PRPSAP2: variants seen among roughly 807,000 people sequenced by gnomAD.
PRPSAP2 encodes phosphoribosyl pyrophosphate synthase-associated protein 2.
PRPSAP2 carries 24 observed loss-of-function variants against 40.6 expected under a neutral mutation model. That is an observed-to-expected ratio of 0.59 (90% CI 0.43 to 0.83). The LOEUF (loss-of-function observed/expected upper bound fraction) is 0.83. Among genes scored for constraint, PRPSAP2 ranks in the 40% least tolerant of loss-of-function variants. The pLI, the probability that PRPSAP2 is intolerant of heterozygous loss-of-function variation, is 0.00. For missense variants in PRPSAP2, 292 were observed against 465.6 expected (o/e 0.63, Z 3.43); for synonymous variants, 149 against 164.7 (o/e 0.90, Z 0.73).
At position 18,924,143 on chromosome 17, in the gene PRPSAP2, G is replaced by T. The variant is rs2041843642; in HGVS notation, c.804+159G>T. On this transcript the variant is annotated intron_variant, in intron 10 of 11. Transcript: ENST00000268835. ...CAACTTCTGCCTCCCAGGTTCAAAC[G>T]ATTCTCCTGCCTCAGCCTCCCAAGT... 4 of 584,092 alleles carry T rather than the reference G, an allele frequency of 6.8e-6. No individual in the cohort carries two copies. In the East Asian group the frequency reaches 9.4e-5, roughly 14 times the overall value. The allele number at this position is 584,092 out of a possible 1,614,324, so 36.2% of individuals were successfully genotyped here.
At chr17:18,882,321 G>A (rs2038816517) in intron 6 of PRPSAP2, among the ~76,000 whole-genome samples, 1 of 151,646 alleles carries the variant, frequency 6.6e-6, no homozygotes. Flanking sequence ...AGACCAACCT[G>A]GCCAATATGA....
At chr17:18,909,896 AAAAG>A (rs532595525) in intron 8 of PRPSAP2, among the ~76,000 whole-genome samples, 8 of 152,176 alleles carry the variant, frequency 5.3e-5, no homozygotes, top group South Asian at 4.1e-4. Flanking sequence ...TCTCAAAAGA[AAAAG>A]AAAGAAAGAA....
intron 8 of PRPSAP2, among the ~76,000 whole-genome samples, chr17:18,900,210 C>T (rs202123378): frequency 2.4e-3 from 369 of 151,788 alleles, no homozygotes; most frequent in Middle Eastern, 0.014. Flanking sequence ...TTAGTAGAGA[C>T]GGGGTTTTGC....
chr17:18,915,843 G>A (rs2041277383), intron 9 of PRPSAP2, among the ~76,000 whole-genome samples: 1 of 149,900 alleles, frequency 6.7e-6, no homozygotes, highest in Non-Finnish European at 1.5e-5. Context: ...TTTTTGAGAC[G>A]GAGTCTTGCT....
chr17:18,871,682 C>T (rs1029173431), intron 4 of PRPSAP2, among the ~76,000 whole-genome samples: 13 of 128,916 alleles, frequency 1.0e-4, no homozygotes, highest in African/African-American at 1.2e-4. Context: ...TTTTTTGAGA[C>T]GGAGTTTCGC....
chr17:18,922,668 A>AATTT (rs2041751894), intron 9 of PRPSAP2, among the ~76,000 whole-genome samples: 2 of 89,840 alleles, frequency 2.2e-5, no homozygotes, highest in Admixed American at 1.4e-4. Flanking sequence ...TATATATATA[A>AATTT]TTTTTTTTTT....
chr17:18,931,078 G>A lies in PRPSAP2; in HGVS notation c.*380G>A, dbSNP rs146583757. ...GTATGATACCTGCAATTGAAAAGCC[G>A]AAAAGATTATACTGTCAAGTCCAGT... is the stretch of plus-strand genomic sequence containing the variant. On this transcript the variant is annotated 3_prime_UTR_variant, in exon 12 of 12. Transcript: ENST00000268835. The A allele has an allele frequency of 1.6e-4, 25 of 156,022 alleles. No homozygotes were observed. The highest frequency in any genetic ancestry group is 6.1e-4 in the South Asian group (3 of 4,908). The allele number at this position is 156,022 out of a possible 1,614,324, so 9.7% of individuals were successfully genotyped here. A position where few individuals can be genotyped will look rare whatever the true frequency, so the allele number is the denominator to read the frequency against.
At chr17:18,890,061 CTCT>C (rs1211949013) in intron 8 of PRPSAP2, among the ~76,000 whole-genome samples, 184 bp downstream of exon 8, 1 of 152,018 alleles carries the variant, frequency 6.6e-6, no homozygotes, top group Non-Finnish European at 1.5e-5. Context: ...TTAATTTCCT[CTCT>C]TTTTTTTCCA....
At chr17:18,906,562 C>G (rs932639195) in intron 8 of PRPSAP2, among the ~76,000 whole-genome samples, 1 of 150,968 alleles carries the variant, frequency 6.6e-6, no homozygotes, top group Non-Finnish European at 1.5e-5. Flanking sequence ...CCTGTGTTGC[C>G]CAGGCTGGTC....
rs775079199 is a variant in PRPSAP2, at chr17:18,885,403, C to CAAA, written c.528+2744_528+2746dup. ...GGCGACAGAGTGAGATTCCTTCTCA[C>CAAA]AAAAAAAAAAAAAAAAAAAAAAAAA... is the stretch of plus-strand genomic sequence containing the variant. On this transcript the variant is annotated intron_variant, in intron 7 of 11. Transcript: ENST00000268835. 3.5e-3 allele frequency among the ~76,000 whole-genome samples: 38 copies of CAAA among 10,964 alleles called. 16 individuals carry two copies. Among genetic ancestry groups the CAAA allele is most frequent in the South Asian group, 0.011 (4 of 362 alleles). 7.2% of individuals were successfully genotyped at this position (10,964 alleles called of 152,430 possible). A position where few individuals can be genotyped will look rare whatever the true frequency, so the allele number is the denominator to read the frequency against.
In PRPSAP2 at chr17:18,898,190, G is replaced by C. The variant is rs138216174; in HGVS notation, c.584+8313G>C. Among the ~76,000 whole-genome samples, 3 of 151,394 alleles carry C rather than the reference G, an allele frequency of 2.0e-5. No homozygotes were observed. In the East Asian group the frequency reaches 5.9e-4, roughly 30 times the overall value. On this transcript the variant is annotated intron_variant, in intron 8 of 11. Coordinates refer to ENST00000268835, the MANE Select transcript of PRPSAP2 (RefSeq NM_002767.4). ...ATTTTTGTATTTTTAGTAGAGATGG[G>C]GTTTCACTGTGTTGGCCAGGGTGGT...
At position 18,888,036 on chromosome 17, in the gene PRPSAP2, T is replaced by A. The variant is rs1351873122; in HGVS notation, c.529-1786T>A. On this transcript the variant is annotated intron_variant, in intron 7 of 11. Transcript: ENST00000268835. ...GTCCCTGATTACTTGAGATTAGGGA[T>A]TGGTGATGACTCTTAACGAGCATGC... 2.4e-4 allele frequency among the ~76,000 whole-genome samples: 13 copies of A among 53,350 alleles called. 2 individuals are homozygous for A. The Admixed American group carries it at 2.5e-3, about 10-fold the overall frequency. 35.0% of individuals were successfully genotyped at this position (53,350 alleles called of 152,430 possible). A position where few individuals can be genotyped will look rare whatever the true frequency, so the allele number is the denominator to read the frequency against.
At chr17:18,867,538 T>TG (rs2151885480) in intron 4 of PRPSAP2, among the ~76,000 whole-genome samples, 1 of 152,348 alleles carries the variant, frequency 6.6e-6, no homozygotes, top group African/African-American at 2.4e-5. Context: ...AAGTCATTTC[T>TG]GGGGCTTGAA....
intron 4 of PRPSAP2, among the ~76,000 whole-genome samples, chr17:18,867,944 T>C (rs1310427025): frequency 6.6e-6 from 1 of 151,714 alleles, no homozygotes; most frequent in Non-Finnish European, 1.5e-5. Context: ...GAGACCAGCC[T>C]GGGCAACACG....
Position 18,882,652 on chromosome 17 carries a change from C to T in PRPSAP2, c.497C>T (p.Ser166Phe). Reference sequence around the variant, plus strand: ...ATTCCTGTTGACAATTTAAGAGCATCTCCCTTCTTATTACAGTATATTCAA... The same window carrying T: ...ATTCCTGTTGACAATTTAAGAGCATTTCCCTTCTTATTACAGTATATTCAA... ...FNIPVDNLRA[S>F]PFLLQYIQEE... The change falls in exon 7 of 12, where the codon TCT (serine) becomes TTT (phenylalanine). Residue 166 changes from serine to phenylalanine, a missense_variant. This residue lies in a region of PRPSAP2 where 241 missense variants were observed against 425.7 expected (regional missense o/e 0.57). Coordinates refer to ENST00000268835, the MANE Select transcript of PRPSAP2 (RefSeq NM_002767.4). The T allele has an allele frequency of 6.3e-7, 1 of 1,599,696 alleles. No homozygotes were observed. The highest frequency in any genetic ancestry group is 8.6e-7 in the Non-Finnish European group (1 of 1,166,930).
chr17:18,865,836 GT>G lies in PRPSAP2; in HGVS notation c.7del (p.Cys3ValfsTer2). M[F>X]CVTPPELETK... ...ATTGGAAAACCAAGAAGGTTTTGAT[GT>G]TTTGTGTGACGCCACCTGAATTAGA... On this transcript the variant is annotated frameshift_variant, in exon 3 of 12. Transcript: ENST00000268835. LOFTEE classifies it high-confidence loss of function. 6.7e-7 allele frequency: 1 copy of G among 1,499,864 alleles called. No homozygotes were observed. The highest frequency in any genetic ancestry group is 9.0e-7 in the Non-Finnish European group (1 of 1,112,722). 92.9% of individuals were successfully genotyped at this position (1,499,864 alleles called of 1,614,324 possible). A position where few individuals can be genotyped will look rare whatever the true frequency, so the allele number is the denominator to read the frequency against.
intron 11 of PRPSAP2, 101 bp downstream of exon 11, chr17:18,929,058 CT>C: frequency 6.7e-7 from 1 of 1,485,062 alleles, no homozygotes; most frequent in Non-Finnish European, 9.0e-7. Context: ...TCTTTTGTGG[CT>C]GAGAAACGAT....
At chr17:18,923,813 C>A in intron 9 of PRPSAP2, 101 bp from the exon 10 acceptor site, 2 of 1,045,758 alleles carry the variant, frequency 1.9e-6, no homozygotes, top group Non-Finnish European at 1.4e-6. Flanking sequence ...CCTTGTATTC[C>A]TAGTTGGTTG....
At chr17:18,869,950 C>T (rs1597537742) in intron 4 of PRPSAP2, among the ~76,000 whole-genome samples, 4 of 150,738 alleles carry the variant, frequency 2.7e-5, no homozygotes, top group Admixed American at 2.0e-4. Context: ...CAGGTTCAAG[C>T]GATACTCCTG....
Sources: allele counts gnomAD v4.1 joint callset (sites outside exome capture counted in the v4.1 genomes callset), GRCh38; gene constraint gnomAD v4.1.1; regional missense constraint gnomAD v4.1.1; transcripts MANE v1.5; gene names NCBI Gene and HGNC (gene_info 2026-07-23, HGNC 2026-07-21).